SEMA6C: variants seen among roughly 807,000 people sequenced by gnomAD.
SEMA6C encodes the protein semaphorin 6C.
Under a neutral mutation model 72.9 loss-of-function variants are expected in SEMA6C, and 37 were observed. The observed-to-expected ratio is 0.51, with a 90% CI of 0.39 to 0.67. The LOEUF is 0.67. Ranked by LOEUF, SEMA6C falls within the 30% of genes least tolerant of loss-of-function variation. The probability of loss-of-function intolerance (pLI) is 0.00; values close to 1 mark genes in which losing one functional copy is unlikely to be tolerated. For synonymous variants in SEMA6C, 578 were observed against 554.1 expected, an observed-to-expected ratio of 1.04 and a Z score of -0.61; for missense variants, 1,189 against 1,263.6, an observed-to-expected ratio of 0.94 and a Z score of 0.89.
intron 4 of SEMA6C, 77 bp downstream of exon 4, chr1:151,139,899 C>T: frequency 7.2e-7 from 1 of 1,397,436 alleles, no homozygotes; most frequent in Admixed American, 1.9e-5. Flanking sequence ...CTGCAAGATG[C>T]TACAGTGGCC....
At position 151,136,507 on chromosome 1, in the gene SEMA6C, C is replaced by T. The variant is rs1341514413; in HGVS notation, c.1047G>A (p.Glu349=). The change falls in exon 12 of 19, where the codon GAG becomes GAA. Residue 349 remains glutamate (E), a synonymous_variant. Coordinates refer to ENST00000368914, the MANE Select transcript of SEMA6C (RefSeq NM_030913.6). ...TCCAGGCCCCATCCAGACTCCTCTG[C>T]TCCTTGAACTTGCCCTCAAACCCAC... is the stretch of plus-strand genomic sequence containing the variant. The part of the protein sequence containing the change: ...IERGFEGKFK[E]QRSLDGAWTP... The T allele has an allele frequency of 2.5e-6, 4 of 1,614,112 alleles. No individual in the cohort carries two copies. The highest frequency in any genetic ancestry group is 3.4e-6 in the Non-Finnish European group (4 of 1,180,026).
In SEMA6C at chr1:151,144,420, T is replaced by G. The variant is rs587772998; in HGVS notation, c.-90A>C. ...GACTCCTGTGGGGGCTTGAGGGGGA[T>G]AGGAAACCTCTGACCTGATGGAAGA... On this transcript the variant is annotated 5_prime_UTR_variant, in exon 2 of 19. Coordinates refer to ENST00000368914, the MANE Select transcript of SEMA6C (RefSeq NM_030913.6). 2 of 153,122 alleles carry G rather than the reference T, an allele frequency of 1.3e-5. No homozygotes were observed. The highest frequency in any genetic ancestry group is 3.8e-4 in the East Asian group (2 of 5,206). 9.5% of individuals were successfully genotyped at this position (153,122 alleles called of 1,614,324 possible). A position where few individuals can be genotyped will look rare whatever the true frequency, so the allele number is the denominator to read the frequency against.
chr1:151,145,349 C>A lies in SEMA6C; in HGVS notation c.-104-915G>T, dbSNP rs1682853843. 6.6e-6 allele frequency: 1 copy of A among 152,324 alleles called. No individual in the cohort carries two copies. The highest frequency in any genetic ancestry group is 2.4e-5 in the African/African-American group (1 of 41,454). The allele number at this position is 152,324 out of a possible 1,614,324, so 9.4% of individuals were successfully genotyped here. ...AATAGCAGGAAGCCTTTGGGCTGGT[C>A]GCCCGCCCCAGTCCACCTTCCTCAG... On this transcript the variant is annotated intron_variant, in intron 1 of 18. Coordinates refer to ENST00000368914, the MANE Select transcript of SEMA6C (RefSeq NM_030913.6). This position sits in a 1 kb window ranked among gnomAD's most constrained non-coding sequence, Gnocchi z 4.4.
At position 151,133,396 on chromosome 1, in the gene SEMA6C, A is replaced by C. The variant is rs777081360; in HGVS notation, c.1881T>G (p.Cys627Trp). The C allele has an allele frequency of 1.9e-6, 3 of 1,598,194 alleles. No homozygotes were observed. The highest frequency in any genetic ancestry group is 8.5e-7 in the Non-Finnish European group (1 of 1,175,022). Residue 627 changes from cysteine to tryptophan, a missense_variant, in exon 19 of 19, where the codon TGT (cysteine) becomes TGG (tryptophan). By Grantham distance (215) the Cys-to-Trp change is radical. Coordinates refer to ENST00000368914, the MANE Select transcript of SEMA6C (RefSeq NM_030913.6). This position sits in a 1 kb window ranked among gnomAD's most constrained non-coding sequence, Gnocchi z 5.9. ...GACGTCGGTGGGCGCGGCGACAAGC[A>C]CAGGAGACCAGGAGGCCAGAGACTG... ...GASVSGLLVS[C>W]ACRRAHRRRG...
intron 15 of SEMA6C, 66 bp from the exon 16 acceptor site, chr1:151,134,941 CT>C: frequency 1.3e-6 from 2 of 1,495,298 alleles, no homozygotes; most frequent in Non-Finnish European, 9.3e-7. Context: ...ATTCTGCTGC[CT>C]TTTCCCACCC....
chr1:151,134,974 C>T (rs1411408775), intron 15 of SEMA6C, 99 bp from the exon 16 acceptor site: 1 of 1,365,064 alleles, frequency 7.3e-7, no homozygotes. Context: ...AGGCTCCCAG[C>T]CTCATTCTCT....
At chr1:151,137,120 G>A (rs1327731516) in intron 10 of SEMA6C, 46 bp from the exon 11 acceptor site, 13 of 1,548,256 alleles carry the variant, frequency 8.4e-6, no homozygotes, top group Admixed American at 1.7e-5. Context: ...AGACCCACAG[G>A]GCCAGCTGCA....
chr1:151,136,148 T>G lies in SEMA6C; in HGVS notation c.1122A>C (p.Ala374=), dbSNP rs1282598562. 6.2e-7 allele frequency: 1 copy of G among 1,613,832 alleles called. No homozygotes were observed. Among genetic ancestry groups the G allele is most frequent in the Non-Finnish European group, 8.5e-7 (1 of 1,179,974 alleles). The change falls in exon 13 of 19, where the codon GCA becomes GCC. Residue 374 remains alanine, a synonymous_variant. Transcript: ENST00000368914. ...RVPSPRPGSC[A]GVGGAALFSS... Reference sequence around the variant, plus strand: ...AGAACAAGGCAGCTCCCCCTACTCCTGCACAGGATCCTGGCCTGGTGGGTG... The same window carrying G: ...AGAACAAGGCAGCTCCCCCTACTCCGGCACAGGATCCTGGCCTGGTGGGTG...
Position 151,133,556 on chromosome 1 carries a change from G to A in SEMA6C, c.1760-39C>T. The A allele has an allele frequency of 6.8e-7, 1 of 1,467,744 alleles. No homozygotes were observed. The highest frequency in any genetic ancestry group is 1.3e-5 in the South Asian group (1 of 75,274). The allele number at this position is 1,467,744 out of a possible 1,614,324, so 90.9% of individuals were successfully genotyped here. On this transcript the variant is annotated intron_variant, in intron 18 of 18. Coordinates refer to ENST00000368914, the MANE Select transcript of SEMA6C (RefSeq NM_030913.6). The surrounding 1 kb of genome is among the most constrained non-coding windows in gnomAD (Gnocchi z 5.9). ...GGGAGGAGGGAGGCTCAGCCAAGGG[G>A]AGGCGGTGCGGGGTACCTAGGCCCA...
At chr1:151,139,852 G>C (rs1261774596) in intron 4 of SEMA6C, 124 bp downstream of exon 4, 6 of 1,223,884 alleles carry the variant, frequency 4.9e-6, no homozygotes, top group Non-Finnish European at 7.0e-6. Flanking sequence ...GTCCAAGCAT[G>C]TCCACACCCC....
chr1:151,134,432 C>G lies in SEMA6C; in HGVS notation c.1728G>C (p.Gly576=). 2 of 1,599,474 alleles carry G rather than the reference C, an allele frequency of 1.3e-6. No individual in the cohort carries two copies. Among genetic ancestry groups the G allele is most frequent in the Non-Finnish European group, 1.7e-6 (2 of 1,172,622 alleles). The change falls in exon 18 of 19, where the codon GGG becomes GGC. Residue 576 remains glycine (G), a synonymous_variant. Transcript: ENST00000368914. ...CAGAATCCCCAGGGCCAGACTGACT[C>G]CCAGTAGCTCCATCTATGAAGAAGG... ...EHGDCQDGAT[G]SQSGPGDSAY... is the part of the protein sequence containing the mutation.
chr1:151,138,807 T>A, intron 6 of SEMA6C, 76 bp from the exon 7 acceptor site: 1 of 1,235,840 alleles, frequency 8.1e-7, no homozygotes, highest in Middle Eastern at 1.9e-4. Flanking sequence ...AAGGTGGGCT[T>A]ACAGGGCGGG....
intron 9 of SEMA6C, 21 bp from the exon 10 acceptor site, chr1:151,137,820 A>G: frequency 6.2e-7 from 1 of 1,610,576 alleles, no homozygotes; most frequent in Non-Finnish European, 8.5e-7. Flanking sequence ...GAATGACAGG[A>G]AAGGGTATAG....
At chr1:151,143,122 AC>A (rs754731095) in intron 2 of SEMA6C, among the ~76,000 whole-genome samples, 1 of 152,132 alleles carries the variant, frequency 6.6e-6, no homozygotes, top group Non-Finnish European at 1.5e-5. Context: ...CCAGACCCCC[AC>A]GGCACCCTGG....
chr1:151,133,256 A>G lies in SEMA6C; in HGVS notation c.2021T>C (p.Val674Ala), dbSNP rs587611161. 15 of 1,575,048 alleles carry G rather than the reference A, an allele frequency of 9.5e-6. No individual in the cohort carries two copies. The highest frequency in any genetic ancestry group is 3.6e-4 in the Middle Eastern group (2 of 5,502). The change falls in exon 19 of 19, where the codon GTG becomes GCG. Residue 674 changes from valine to alanine, a missense_variant. Transcript: ENST00000368914. This position sits in a 1 kb window ranked among gnomAD's most constrained non-coding sequence, Gnocchi z 5.9. Reference sequence around the variant, plus strand: ...GGTGGTGTAGAGCTGCGGCGTCTGCACCGCGTCCCCGTCCTTGGAGGGCGG... The same window carrying G: ...GGTGGTGTAGAGCTGCGGCGTCTGCGCCGCGTCCCCGTCCTTGGAGGGCGG... Reference protein sequence around the residue: ...PPPPSKDGDAVQTPQLYTTFL... With the variant: ...PPPPSKDGDAAQTPQLYTTFL...
chr1:151,135,169 C>G lies in SEMA6C; in HGVS notation c.1574G>C (p.Cys525Ser), dbSNP rs754800031. The G allele has an allele frequency of 3.7e-6, 6 of 1,613,656 alleles. No individual in the cohort carries two copies. Among genetic ancestry groups the G allele is most frequent in the Non-Finnish European group, 1.7e-6 (2 of 1,179,768 alleles). Reference protein sequence around the residue: ...PLSRCARHGACQRSCLASQDP... With the variant: ...PLSRCARHGASQRSCLASQDP... ...GGCCTCAGGCCCCTCTCACCTCTGA[C>G]AGGCCCCATGCCGGGCACACCGGCT... Residue 525 changes from cysteine to serine, a missense_variant, in exon 15 of 19, where the codon TGT becomes TCT. Coordinates refer to ENST00000368914, the MANE Select transcript of SEMA6C (RefSeq NM_030913.6).
At chr1:151,141,065 T>C (rs1682505385) in intron 3 of SEMA6C, among the ~76,000 whole-genome samples, 2 of 152,274 alleles carry the variant, frequency 1.3e-5, no homozygotes, top group Middle Eastern at 3.4e-3. Flanking sequence ...GCTATTCTTA[T>C]ATATCCCTCA....
Position 151,137,046 on chromosome 1 carries a change from C to A in SEMA6C, c.785G>T (p.Cys262Phe), listed in dbSNP as rs1682079295. 4.3e-6 allele frequency: 7 copies of A among 1,613,762 alleles called. No homozygotes were observed. The highest frequency in any genetic ancestry group is 5.9e-6 in the Non-Finnish European group (7 of 1,180,038). Reference sequence around the variant, plus strand: ...AGGCGAGCCGCCCATGTCACGTTTACATACTCGGGCTACGCGGGAGAACTG... The same window carrying A: ...AGGCGAGCCGCCCATGTCACGTTTAAATACTCGGGCTACGCGGGAGAACTG... ...RVQFSRVARVCKRDMGGSPRA... is the reference protein window; with the variant it reads ...RVQFSRVARVFKRDMGGSPRA... Residue 262 changes from cysteine (C) to phenylalanine (F), a missense_variant, in exon 11 of 19, where the codon TGT becomes TTT. Cys to Phe is a radical substitution (Grantham distance 205). Coordinates refer to ENST00000368914, the MANE Select transcript of SEMA6C (RefSeq NM_030913.6).
chr1:151,142,030 G>A (rs1339098551), intron 3 of SEMA6C, among the ~76,000 whole-genome samples: 1 of 145,386 alleles, frequency 6.9e-6, no homozygotes, highest in Non-Finnish European at 1.5e-5. Flanking sequence ...TGGTCTAGCT[G>A]AGAGTCCATG....
Sources: gnomAD v4.1 joint callset for allele counts (sites outside exome capture counted in the v4.1 genomes callset) on GRCh38, gnomAD v4.1.1 for gene constraint, Gnocchi (gnomAD v3.1) non-coding constraint, MANE v1.5 for transcripts, NCBI Gene and HGNC (gene_info 2026-07-23, HGNC 2026-07-21) for gene names.